Variants in DOCK10 observed in about 807,000 individuals in gnomAD.
The protein encoded by DOCK10 is dedicator of cytokinesis protein 10.
Under a neutral mutation model 280.1 loss-of-function variants are expected in DOCK10, and 145 were observed. The ratio of observed to expected loss-of-function variants is 0.52; its 90% CI spans 0.45 to 0.59. The LOEUF (loss-of-function observed/expected upper bound fraction) is 0.59. DOCK10 is among the 20% of genes least tolerant of loss of function. The pLI, the probability that DOCK10 is intolerant of heterozygous loss-of-function variation, is 0.00. For missense variants in DOCK10, 2,368 were observed against 2,651.7 expected (o/e 0.89, Z 2.35); for synonymous variants, 915 against 942.2 (o/e 0.97, Z 0.53).
chr2:225,020,312 A>T (rs2106098629), intron 1 of DOCK10, among the ~76,000 whole-genome samples: 1 of 152,302 alleles, frequency 6.6e-6, no homozygotes, highest in Non-Finnish European at 1.5e-5. Context: ...TCTGCTGTCA[A>T]TATAGTCTAT....
chr2:224,804,446 CTTG>C (rs1453250628), intron 38 of DOCK10, among the ~76,000 whole-genome samples: 14 of 139,268 alleles, frequency 1.0e-4, no homozygotes, highest in Non-Finnish European at 2.0e-4. Context: ...TTCCAGATTA[CTTG>C]TTTTTTTTTT....
chr2:224,923,811 C>A (rs368144097), intron 2 of DOCK10, among the ~76,000 whole-genome samples: 1 of 152,310 alleles, frequency 6.6e-6, no homozygotes, highest in South Asian at 2.1e-4. Context: ...TTTTCAAAAG[C>A]TTTCTAATTC....
chr2:224,841,954 A>G (rs1695994251), intron 22 of DOCK10, 58 bp from the exon 23 acceptor site: 2 of 1,255,352 alleles, frequency 1.6e-6, no homozygotes, highest in East Asian at 4.6e-5. Context: ...TGTTACAAAC[A>G]CAAACCACTG....
chr2:224,845,112 C>G (rs1477384271), intron 21 of DOCK10, 91 bp downstream of exon 21: 15 of 1,343,988 alleles, frequency 1.1e-5, no homozygotes, highest in Non-Finnish European at 1.5e-5. Context: ...GACATGTCCA[C>G]TATGATCTTA....
chr2:224,787,800 T>C (rs894801117), intron 48 of DOCK10, among the ~76,000 whole-genome samples: 2 of 152,198 alleles, frequency 1.3e-5, no homozygotes, highest in African/African-American at 4.8e-5. Context: ...AACTCCAGTA[T>C]GTAAACTGCT....
intron 19 of DOCK10, among the ~76,000 whole-genome samples, chr2:224,849,269 C>T (rs548519272): frequency 2.0e-5 from 3 of 152,336 alleles, no homozygotes; most frequent in Admixed American, 1.3e-4. Context: ...CCACTATACC[C>T]GGCCAGCATT....
At chr2:224,917,767 C>T (rs915221273) in intron 2 of DOCK10, among the ~76,000 whole-genome samples, 1 of 152,130 alleles carries the variant, frequency 6.6e-6, no homozygotes, top group Non-Finnish European at 1.5e-5. Flanking sequence ...AGATTATTGC[C>T]TCTTATATGT....
chr2:225,035,475 T>A (rs559892205), intron 1 of DOCK10, among the ~76,000 whole-genome samples: 1 of 146,258 alleles, frequency 6.8e-6, no homozygotes, highest in African/African-American at 2.5e-5. Context: ...TATCACCATT[T>A]TTTTTAAATC....
At chr2:224,814,914 T>G (rs538728705) in intron 30 of DOCK10, among the ~76,000 whole-genome samples, 4 of 152,350 alleles carry the variant, frequency 2.6e-5, no homozygotes, top group Admixed American at 2.0e-4. Flanking sequence ...GAATTTTGCC[T>G]GCTATGAAAC....
intron 1 of DOCK10, among the ~76,000 whole-genome samples, chr2:225,006,804 T>C (rs1175456466): frequency 6.6e-6 from 1 of 152,186 alleles, no homozygotes; most frequent in African/African-American, 2.4e-5. Context: ...TCAAAGTCAA[T>C]GACCTGTGCA....
chr2:224,925,891 C>G (rs1459720131), intron 2 of DOCK10, among the ~76,000 whole-genome samples: 2 of 152,172 alleles, frequency 1.3e-5, no homozygotes, highest in African/African-American at 4.8e-5. Context: ...CAATATGATT[C>G]AATGTGTCCT....
chr2:225,002,045 AG>A, intron 1 of DOCK10, among the ~76,000 whole-genome samples: 1 of 152,320 alleles, frequency 6.6e-6, no homozygotes, highest in Non-Finnish European at 1.5e-5. Context: ...TAATTCAGTC[AG>A]GGGGATTCCA....
chr2:224,918,108 G>A lies in DOCK10; in HGVS notation c.244-1324C>T, dbSNP rs528081935. Among the ~76,000 whole-genome samples the A allele has an allele frequency of 6.6e-5, 10 of 152,238 alleles. No individual in the cohort carries two copies. In the South Asian group the frequency reaches 1.0e-3, roughly 16 times the overall value. Reference sequence around the variant, plus strand: ...TGCTGGCAGCTCTGCCACCAAGGGCGGCGTCCTTCCCATCATTCCTTCTCT... The same window carrying A: ...TGCTGGCAGCTCTGCCACCAAGGGCAGCGTCCTTCCCATCATTCCTTCTCT... On this transcript the variant is annotated intron_variant, in intron 2 of 55. Transcript: ENST00000258390.
chr2:224,857,026 A>T (rs1697194343), intron 14 of DOCK10, 44 bp from the exon 15 acceptor site: 2 of 1,507,378 alleles, frequency 1.3e-6, no homozygotes, highest in East Asian at 4.6e-5. Flanking sequence ...GATATTGTTT[A>T]TAAAGTTGTG....
At chr2:224,882,965 G>C (rs1318730861) in intron 7 of DOCK10, among the ~76,000 whole-genome samples, 1 of 152,196 alleles carries the variant, frequency 6.6e-6, no homozygotes, top group African/African-American at 2.4e-5. Context: ...TGTCTCCCCA[G>C]AGTGATCCCA....
chr2:224,781,199 A>C (rs754017747), intron 50 of DOCK10, among the ~76,000 whole-genome samples: 5 of 152,222 alleles, frequency 3.3e-5, no homozygotes, highest in Non-Finnish European at 5.9e-5. Context: ...ACATACTTTC[A>C]GCTTCTCTTG....
intron 4 of DOCK10, among the ~76,000 whole-genome samples, chr2:224,895,912 A>G (rs1699961790): frequency 1.3e-5 from 2 of 151,630 alleles, no homozygotes; most frequent in Admixed American, 6.6e-5. Flanking sequence ...TCCCAGCATG[A>G]AAATACATGA....
chr2:224,776,267 C>T (rs1264479810), intron 51 of DOCK10, among the ~76,000 whole-genome samples: 1 of 152,142 alleles, frequency 6.6e-6, no homozygotes, highest in Admixed American at 6.5e-5. Flanking sequence ...TTTTGTAATG[C>T]TACTACTAAT....
chr2:224,814,728 G>T (rs1021129368), intron 30 of DOCK10, among the ~76,000 whole-genome samples: 6 of 151,882 alleles, frequency 4.0e-5, no homozygotes, highest in Admixed American at 6.6e-5. Flanking sequence ...TGCCATGTTG[G>T]CTAGGCTGGT....
Sources: gnomAD v4.1 joint callset for allele counts (sites outside exome capture counted in the v4.1 genomes callset) on GRCh38, gnomAD v4.1.1 for gene constraint, MANE v1.5 for transcripts, NCBI Gene and HGNC (gene_info 2026-07-23, HGNC 2026-07-21) for gene names.